The following PDK1 variants were observed in gnomAD, a reference collection of about 807,000 sequenced individuals.
PDK1 encodes pyruvate dehydrogenase kinase 1.
Under a neutral mutation model 54.2 loss-of-function variants are expected in PDK1, and 39 were observed. The observed-to-expected ratio is 0.72, with a 90% CI of 0.56 to 0.94. The LOEUF (loss-of-function observed/expected upper bound fraction) is 0.94. Ranked by LOEUF, PDK1 falls within the 40% of genes least tolerant of loss-of-function variation. The probability of loss-of-function intolerance (pLI) is 0.00; values close to 1 mark genes in which losing one functional copy is unlikely to be tolerated. For missense variants in PDK1, 552 were observed against 566.0 expected (o/e 0.98, Z 0.25); for synonymous variants, 221 against 207.1 (o/e 1.07, Z -0.58).
At chr2:172,620,616 G>A in the PDK1 span, among the ~76,000 whole-genome samples, 3 of 152,156 alleles carry the variant, frequency 2.0e-5, no homozygotes, top group African/African-American at 2.4e-5. Flanking sequence ...GGGACTTAGT[G>A]GGAGGTGACT....
chr2:172,650,062 A>G, the PDK1 span, among the ~76,000 whole-genome samples: 4 of 152,258 alleles, frequency 2.6e-5, no homozygotes, highest in Middle Eastern at 3.4e-3. Flanking sequence ...TGAAATGAAG[A>G]AAAAAATGTT....
chr2:172,626,304 A>G, the PDK1 span, among the ~76,000 whole-genome samples: 4 of 152,228 alleles, frequency 2.6e-5, no homozygotes, highest in South Asian at 6.2e-4. Context: ...GTAGAGTGAC[A>G]TTAGTAATAA....
Position 172,564,552 on chromosome 2 carries a change from C to G in PDK1, c.460C>G (p.Pro154Ala). 6.2e-7 allele frequency: 1 copy of G among 1,614,030 alleles called. No homozygotes were observed. ...RIRNRHNDVI[P>A]TMAQGVIEYK... Reference sequence around the variant, plus strand: ...CAGAAACCGACACAATGATGTCATTCCCACAATGGCCCAGGGTGTGATTGA... The same window carrying G: ...CAGAAACCGACACAATGATGTCATTGCCACAATGGCCCAGGGTGTGATTGA... The change falls in exon 4 of 11, where the codon CCC becomes GCC. Residue 154 changes from proline to alanine, a missense_variant. Coordinates refer to ENST00000282077, the MANE Select transcript of PDK1 (RefSeq NM_002610.5).
the PDK1 span, among the ~76,000 whole-genome samples, chr2:172,667,831 A>G: frequency 9.8e-5 from 15 of 152,332 alleles, no homozygotes; most frequent in East Asian, 1.5e-3. Context: ...AATGAATGCT[A>G]TAGAGTCTTT....
intron 8 of PDK1, among the ~76,000 whole-genome samples, chr2:172,583,021 A>C (rs1444326174): frequency 6.6e-6 from 1 of 152,210 alleles, no homozygotes; most frequent in African/African-American, 2.4e-5. Context: ...AAAACCAGGA[A>C]ATATTTACTC....
chr2:172,556,938 A>C (rs1688367213), intron 1 of PDK1, among the ~76,000 whole-genome samples: 1 of 152,222 alleles, frequency 6.6e-6, no homozygotes, highest in Non-Finnish European at 1.5e-5. Context: ...TTACCACATT[A>C]TCTTGGTTTT....
At chr2:172,668,906 TAGAGAG>T in the PDK1 span, among the ~76,000 whole-genome samples, 33,912 of 130,166 alleles carry the variant, frequency 0.26, 4,529 homozygotes, top group African/African-American at 0.32. Context: ...TATATATATA[TAGAGAG>T]AGAGAGAGAG....
At chr2:172,571,331 AG>A (rs1689246812) in intron 8 of PDK1, among the ~76,000 whole-genome samples, 1 of 152,140 alleles carries the variant, frequency 6.6e-6, no homozygotes. Flanking sequence ...CCCCAGTGCT[AG>A]GCCTTTTCTA....
At chr2:172,562,104 G>T (rs928862199) in intron 2 of PDK1, 116 bp from the exon 3 acceptor site, 6 of 606,354 alleles carry the variant, frequency 9.9e-6, no homozygotes, top group Middle Eastern at 4.5e-4. Context: ...ATAATTTATA[G>T]CAGTATTCTA....
chr2:172,614,718 C>A, the PDK1 span, among the ~76,000 whole-genome samples: 1 of 152,202 alleles, frequency 6.6e-6, no homozygotes, highest in Non-Finnish European at 1.5e-5. Context: ...AACTCTTTTT[C>A]ACCCTTCACT....
chr2:172,709,611 G>A, the PDK1 span, among the ~76,000 whole-genome samples: 3 of 152,152 alleles, frequency 2.0e-5, no homozygotes, highest in Non-Finnish European at 4.4e-5. Context: ...ATCAATTTCA[G>A]TTACCACCAT....
rs1022019699 is a variant in PDK1, at chr2:172,603,954, T to C, written c.*7985T>C. 1 of 152,232 alleles carries C rather than the reference T, an allele frequency of 6.6e-6. No individual in the cohort carries two copies. The highest frequency in any genetic ancestry group is 1.5e-5 in the Non-Finnish European group (1 of 68,042). The allele number at this position is 152,232 out of a possible 1,614,324, so 9.4% of individuals were successfully genotyped here. On this transcript the variant is annotated 3_prime_UTR_variant, in exon 11 of 11. Transcript: ENST00000282077. ...AGATCGATGCTTCTGTCACTACTGA[T>C]GGGCAAGGATATTAACATCAATATC...
intron 1 of PDK1, chr2:172,556,642 A>G (rs1337419908): frequency 1.4e-5 from 4 of 293,684 alleles, no homozygotes; most frequent in African/African-American, 2.2e-5. Context: ...GCGCTAGGCC[A>G]GGCCCCTTCC....
At chr2:172,626,840 A>G in the PDK1 span, among the ~76,000 whole-genome samples, 2 of 152,322 alleles carry the variant, frequency 1.3e-5, no homozygotes, top group South Asian at 2.1e-4. Flanking sequence ...TCAATAAAAA[A>G]CAAGATAAAC....
chr2:172,654,991 C>T, the PDK1 span, among the ~76,000 whole-genome samples: 1 of 152,274 alleles, frequency 6.6e-6, no homozygotes, highest in Middle Eastern at 3.4e-3. Flanking sequence ...CCCCTTTCCC[C>T]AAGCCACTAC....
chr2:172,615,147 G>A, the PDK1 span, among the ~76,000 whole-genome samples: 2 of 152,222 alleles, frequency 1.3e-5, no homozygotes, highest in African/African-American at 4.8e-5. Context: ...AGCAGGCCGA[G>A]TAGACAGGGT....
the PDK1 span, among the ~76,000 whole-genome samples, chr2:172,646,370 C>G: frequency 6.6e-6 from 1 of 151,894 alleles, no homozygotes; most frequent in East Asian, 1.9e-4. Context: ...TCTTTGCAAA[C>G]AAAAATCCCC....
intron 9 of PDK1, 152 bp downstream of exon 9, chr2:172,586,540 C>A: frequency 3.9e-6 from 2 of 512,048 alleles, no homozygotes; most frequent in African/African-American, 2.0e-5. Flanking sequence ...ATTTAAACAG[C>A]CTTCAGAATA....
chr2:172,633,420 C>T, the PDK1 span, among the ~76,000 whole-genome samples: 255 of 139,176 alleles, frequency 1.8e-3, no homozygotes, highest in African/African-American at 6.6e-3. Context: ...ATTTTCTTGA[C>T]ACTTCCAATT....
Sources: allele counts gnomAD v4.1 joint callset (sites outside exome capture counted in the v4.1 genomes callset), GRCh38; gene constraint gnomAD v4.1.1; transcripts MANE v1.5; gene names NCBI Gene and HGNC (gene_info 2026-07-23, HGNC 2026-07-21).